Variants in RCN2 observed in about 807,000 individuals in gnomAD.
RCN2 encodes the protein reticulocalbin-2.
A neutral mutation model predicts 37.5 loss-of-function variants in RCN2; 23 were observed. That is an observed-to-expected ratio of 0.61 (90% CI 0.44 to 0.87). RCN2 has a LOEUF of 0.87. RCN2 is among the 40% of genes least tolerant of loss of function. The probability of loss-of-function intolerance (pLI) is 0.00; values close to 1 mark genes in which losing one functional copy is unlikely to be tolerated. For synonymous variants in RCN2, 140 were observed against 144.6 expected (o/e 0.97, Z 0.23); for missense variants, 381 against 390.4 (o/e 0.98, Z 0.20).
chr15:76,936,946 C>T (rs901451688), intron 3 of RCN2, among the ~76,000 whole-genome samples: 2 of 152,330 alleles, frequency 1.3e-5, no homozygotes, highest in East Asian at 1.9e-4. Flanking sequence ...CCCATTCCCT[C>T]CTCCCACTAG....
intron 3 of RCN2, among the ~76,000 whole-genome samples, chr15:76,940,312 A>T (rs1170052007): frequency 6.6e-6 from 1 of 152,088 alleles, no homozygotes; most frequent in Non-Finnish European, 1.5e-5. Flanking sequence ...AAAAAAAAAA[A>T]ATAACGTCCT....
rs2075323850 is a variant in RCN2 at position 76,952,104 on chromosome 15, C to A, written c.*2882C>A. The A allele has an allele frequency of 6.6e-6, 1 of 151,768 alleles. No homozygotes were observed. Among genetic ancestry groups the A allele is most frequent in the African/African-American group, 2.4e-5 (1 of 41,244 alleles). 9.4% of individuals were successfully genotyped at this position (151,768 alleles called of 1,614,324 possible). A position where few individuals can be genotyped will look rare whatever the true frequency, so the allele number is the denominator to read the frequency against. ...AGTATAGAGAGTTTCAATATGTCCC[C>A]TGCCCCACATACGTACAGCCTCCCC... On this transcript the variant is annotated 3_prime_UTR_variant, in exon 7 of 7. Coordinates refer to ENST00000394885, the MANE Select transcript of RCN2 (RefSeq NM_002902.3).
At chr15:76,941,570 A>T in intron 3 of RCN2, 3 of 862,560 alleles carry the variant, frequency 3.5e-6, no homozygotes, top group Non-Finnish European at 5.3e-6. Flanking sequence ...CAAAGTTTTT[A>T]TATACAAGAA....
At chr15:76,932,106 G>A (rs2075225821) in intron 1 of RCN2, 121 bp downstream of exon 1, 2 of 996,024 alleles carry the variant, frequency 2.0e-6, no homozygotes, top group Non-Finnish European at 2.7e-6. Context: ...GACAATGGGG[G>A]CCGGGCGGCG....
In RCN2 at chr15:76,943,723, T is replaced by C. The variant is rs1406065310; in HGVS notation, c.448-35T>C. Reference sequence around the variant, plus strand: ...GTATTTTTCAAAGTATTTAAAATGATGTGGTATACTAATGAGAAATTTTAA... The same window carrying C: ...GTATTTTTCAAAGTATTTAAAATGACGTGGTATACTAATGAGAAATTTTAA... On this transcript the variant is annotated intron_variant, in intron 3 of 6. Coordinates refer to ENST00000394885, the MANE Select transcript of RCN2 (RefSeq NM_002902.3). 4.7e-6 allele frequency: 5 copies of C among 1,060,924 alleles called. No homozygotes were observed. In the South Asian group the frequency reaches 6.8e-5, roughly 14 times the overall value. The allele number at this position is 1,060,924 out of a possible 1,614,324, so 65.7% of individuals were successfully genotyped here. A position where few individuals can be genotyped will look rare whatever the true frequency, so the allele number is the denominator to read the frequency against.
chr15:76,943,924 A>T (rs960066656), intron 4 of RCN2, 53 bp downstream of exon 4: 5 of 1,016,874 alleles, frequency 4.9e-6, no homozygotes, highest in African/African-American at 1.7e-5. Flanking sequence ...ACTTTAAAAA[A>T]ATATATTTAA....
intron 4 of RCN2, among the ~76,000 whole-genome samples, chr15:76,946,892 A>T (rs2075298705): frequency 6.6e-6 from 1 of 152,164 alleles, no homozygotes; most frequent in South Asian, 2.1e-4. Context: ...GCAGTTTGGG[A>T]TGGATAGGGC....
intron 1 of RCN2, 95 bp downstream of exon 1, chr15:76,932,080 C>G: frequency 8.5e-7 from 1 of 1,173,884 alleles, no homozygotes; most frequent in African/African-American, 1.6e-5. Context: ...CGGGCGAGGC[C>G]TGGCAGGGGC....
At position 76,935,526 on chromosome 15, in the gene RCN2, G is replaced by A; in HGVS notation, c.251G>A (p.Ser84Asn). The A allele has an allele frequency of 1.9e-6, 3 of 1,608,054 alleles. No homozygotes were observed. Among genetic ancestry groups the A allele is most frequent in the Non-Finnish European group, 2.5e-6 (3 of 1,177,010 alleles). The change falls in exon 3 of 7, where the codon AGT (serine) becomes AAT (asparagine). Residue 84 changes from serine (S) to asparagine (N), a missense_variant and splice_region_variant. Transcript: ENST00000394885. ...GTTGTGTTCTGGGAAATTCTCATAG[G>A]TGAACTCAGTTCATGGATTCAGATG... is the stretch of plus-strand genomic sequence containing the variant. Reference protein sequence around the residue: ...DLDSDGFLTESELSSWIQMSF... With the variant: ...DLDSDGFLTENELSSWIQMSF...
rs115603572 is a variant in RCN2, at chr15:76,948,170, A to G, written c.659-240A>G. On this transcript the variant is annotated intron_variant, in intron 5 of 6. Coordinates refer to ENST00000394885, the MANE Select transcript of RCN2 (RefSeq NM_002902.3). ...ATCGGAACAAATAGCAGTTAACAAAATTACTAGTTTGTGAAAACATCCAAT... is the reference window on the plus strand; with the variant it reads ...ATCGGAACAAATAGCAGTTAACAAAGTTACTAGTTTGTGAAAACATCCAAT... 5.2e-3 allele frequency: 1,740 copies of G among 335,708 alleles called. 23 individuals are homozygous for G. The highest frequency in any genetic ancestry group is 0.03 in the African/African-American group (1,440 of 47,344). The allele number at this position is 335,708 out of a possible 1,614,324, so 20.8% of individuals were successfully genotyped here. A position where few individuals can be genotyped will look rare whatever the true frequency, so the allele number is the denominator to read the frequency against.
At position 76,954,100 on chromosome 15, in the gene RCN2, C is replaced by T. The variant is rs1291544025; in HGVS notation, c.*4878C>T. 2 of 139,680 alleles carry T rather than the reference C, an allele frequency of 1.4e-5. No individual in the cohort carries two copies. Among genetic ancestry groups the T allele is most frequent in the African/African-American group, 5.3e-5 (2 of 37,410 alleles). The allele number at this position is 139,680 out of a possible 1,614,324, so 8.7% of individuals were successfully genotyped here. On this transcript the variant is annotated 3_prime_UTR_variant, in exon 7 of 7. Transcript: ENST00000394885. ...CATCCTGTTGGGTGAGACGTGGTAT[C>T]TCGTTGTGGCTTTGATTTGCATTTC...
Position 76,931,934 on chromosome 15 carries a change from G to A in RCN2, c.93G>A (p.Pro31=). The change falls in exon 1 of 7, where the codon CCG becomes CCA. Residue 31 remains proline (P), a synonymous_variant. Transcript: ENST00000394885. ...GAGKAEELHY[P]LGERRSDYDR... is the part of the protein sequence containing the mutation. ...GCAAGGCCGAGGAGCTGCACTACCCGCTGGGCGAGCGCCGCAGCGACTACG... is the reference window on the plus strand; with the variant it reads ...GCAAGGCCGAGGAGCTGCACTACCCACTGGGCGAGCGCCGCAGCGACTACG... 7.7e-7 allele frequency: 1 copy of A among 1,304,956 alleles called. No individual in the cohort carries two copies. The allele number at this position is 1,304,956 out of a possible 1,614,324, so 80.8% of individuals were successfully genotyped here. A position where few individuals can be genotyped will look rare whatever the true frequency, so the allele number is the denominator to read the frequency against.
chr15:76,932,614 A>T, intron 2 of RCN2, 148 bp downstream of exon 2: 1 of 627,380 alleles, frequency 1.6e-6, no homozygotes, highest in South Asian at 1.9e-5. Flanking sequence ...TTATACTTAC[A>T]AATCTTTAGA....
chr15:76,943,942 G>A, intron 4 of RCN2, 71 bp downstream of exon 4: 1 of 683,974 alleles, frequency 1.5e-6, no homozygotes, highest in East Asian at 3.4e-5. Context: ...TAAAATTTTT[G>A]TGGGTACATA....
At chr15:76,934,750 C>A (rs1383115924) in intron 2 of RCN2, among the ~76,000 whole-genome samples, 1 of 152,080 alleles carries the variant, frequency 6.6e-6, no homozygotes, top group Non-Finnish European at 1.5e-5. Context: ...CTTTATGTCA[C>A]CTTCATAAAT....
Position 76,941,742 on chromosome 15 carries a change from A to G in RCN2, c.448-2016A>G. On this transcript the variant is annotated intron_variant, in intron 3 of 6. Transcript: ENST00000394885. Reference sequence around the variant, plus strand: ...CAAATGGCCGTGAAATGTGAACCAGAAAAAGCTACCCCCTTCACTTTTTTT... The same window carrying G: ...CAAATGGCCGTGAAATGTGAACCAGGAAAAGCTACCCCCTTCACTTTTTTT... 4 of 923,434 alleles carry G rather than the reference A, an allele frequency of 4.3e-6. No homozygotes were observed. The South Asian group carries it at 9.1e-5, about 21-fold the overall frequency. The allele number at this position is 923,434 out of a possible 1,614,324, so 57.2% of individuals were successfully genotyped here. A position where few individuals can be genotyped will look rare whatever the true frequency, so the allele number is the denominator to read the frequency against.
At chr15:76,944,033 C>T (rs2075286425) in intron 4 of RCN2, among the ~76,000 whole-genome samples, 162 bp downstream of exon 4, 1 of 143,106 alleles carries the variant, frequency 7.0e-6, no homozygotes, top group Non-Finnish European at 1.5e-5. Context: ...CGCTCTGTCG[C>T]CCAGGCTGGA....
At chr15:76,937,035 G>A (rs1255711005) in intron 3 of RCN2, among the ~76,000 whole-genome samples, 5 of 152,230 alleles carry the variant, frequency 3.3e-5, no homozygotes, top group South Asian at 4.1e-4. Context: ...ATCATACGCC[G>A]TATTTGTCTT....
intron 4 of RCN2, among the ~76,000 whole-genome samples, chr15:76,944,195 G>A (rs922877570): frequency 9.2e-5 from 14 of 151,502 alleles, no homozygotes; most frequent in East Asian, 1.9e-4. Flanking sequence ...GGGTTTCACC[G>A]TGGTCTCAAT....
Sources: gnomAD v4.1 joint callset for allele counts (sites outside exome capture counted in the v4.1 genomes callset) on GRCh38, gnomAD v4.1.1 for gene constraint, MANE v1.5 for transcripts, NCBI Gene and HGNC (gene_info 2026-07-23, HGNC 2026-07-21) for gene names.